SORCS3: variants seen among roughly 807,000 people sequenced by gnomAD.
SORCS3 encodes the protein sortilin related VPS10 domain containing receptor 3.
In SORCS3, 57 loss-of-function variants were observed where a neutral mutation model predicts 146.3. The ratio of observed to expected loss-of-function variants is 0.39; its 90% CI spans 0.31 to 0.49. The LOEUF (loss-of-function observed/expected upper bound fraction) is 0.49, where lower values mean the gene tolerates loss of function less well. Ranked by LOEUF, SORCS3 falls within the 20% of genes least tolerant of loss-of-function variation. The pLI is 0.92. For missense variants in SORCS3, 1,341 were observed against 1,575.5 expected, an observed-to-expected ratio of 0.85 and a Z score of 2.52; for synonymous variants, 653 against 618.5, an observed-to-expected ratio of 1.06 and a Z score of -0.83.
chr10:105,223,219 C>G lies in SORCS3; in HGVS notation c.2838C>G (p.Thr946=), dbSNP rs1350299700. 1.9e-6 allele frequency: 3 copies of G among 1,612,382 alleles called. No homozygotes were observed. Among genetic ancestry groups the G allele is most frequent in the African/African-American group, 2.7e-5 (2 of 74,888 alleles). Residue 946 remains threonine, a synonymous_variant, in exon 20 of 27, where the codon ACC becomes ACG. Transcript: ENST00000369701. ...GGCCCAGTCAACTGGGGACCCTTAC[C>G]TATTTCTGGTGGTTCGGCAATAGCA... ...VVWPSQLGTL[T]YFWWFGNSTK...
intron 1 of SORCS3, among the ~76,000 whole-genome samples, chr10:104,659,438 C>T (rs1375674630): frequency 6.6e-6 from 1 of 152,174 alleles, no homozygotes; most frequent in East Asian, 1.9e-4. Flanking sequence ...CACTCTGATG[C>T]CCATTCGTAT....
intron 20 of SORCS3, among the ~76,000 whole-genome samples, chr10:105,228,033 G>A (rs1415224959): frequency 1.6e-5 from 2 of 124,212 alleles, no homozygotes; most frequent in Non-Finnish European, 3.5e-5. Flanking sequence ...GTGTGTGTGT[G>A]TATGTGTGTT....
intron 1 of SORCS3, among the ~76,000 whole-genome samples, chr10:104,741,327 A>G (rs1016715428): frequency 1.3e-5 from 2 of 151,850 alleles, no homozygotes; most frequent in African/African-American, 4.8e-5. Context: ...CCCAACCATC[A>G]TAACAGCACA....
intron 12 of SORCS3, among the ~76,000 whole-genome samples, chr10:105,166,686 T>A (rs566282136): frequency 9.9e-5 from 15 of 152,140 alleles, no homozygotes; most frequent in Non-Finnish European, 1.9e-4. Flanking sequence ...GTACTGTGTT[T>A]CAATGACCAC....
intron 14 of SORCS3, among the ~76,000 whole-genome samples, chr10:105,181,418 T>G (rs2056441992): frequency 6.6e-6 from 1 of 152,074 alleles, no homozygotes; most frequent in Non-Finnish European, 1.5e-5. Flanking sequence ...TGGGGTGGAA[T>G]GGCATGTGGG....
At chr10:105,074,861 G>A (rs377737983) in intron 5 of SORCS3, among the ~76,000 whole-genome samples, 2 of 152,296 alleles carry the variant, frequency 1.3e-5, no homozygotes, top group African/African-American at 4.8e-5. Flanking sequence ...CCGAGGCAAA[G>A]ACTAGGAAAT....
At chr10:105,041,816 A>C (rs956537107) in intron 4 of SORCS3, among the ~76,000 whole-genome samples, 4 of 152,154 alleles carry the variant, frequency 2.6e-5, no homozygotes, top group Non-Finnish European at 4.4e-5. Flanking sequence ...AATATACTTC[A>C]TGTGGTCCAA....
At chr10:104,702,292 A>C (rs557528336) in intron 1 of SORCS3, among the ~76,000 whole-genome samples, 1 of 152,198 alleles carries the variant, frequency 6.6e-6, no homozygotes, top group Non-Finnish European at 1.5e-5. Context: ...TAATATCACT[A>C]TTACTTTTTG....
intron 9 of SORCS3, among the ~76,000 whole-genome samples, chr10:105,152,195 A>G (rs1371624531): frequency 6.6e-6 from 1 of 152,192 alleles, no homozygotes; most frequent in African/African-American, 2.4e-5. Flanking sequence ...CATCTAACTT[A>G]TAACTCCTTA....
intron 4 of SORCS3, among the ~76,000 whole-genome samples, chr10:105,024,219 C>T (rs1410988125): frequency 3.3e-5 from 5 of 152,184 alleles, no homozygotes; most frequent in Admixed American, 6.5e-5. Context: ...CAAAAGTAAA[C>T]TGTGAGTGAG....
chr10:105,240,371 G>T (rs1203670867), intron 20 of SORCS3, among the ~76,000 whole-genome samples: 1 of 152,196 alleles, frequency 6.6e-6, no homozygotes. Flanking sequence ...AAAATGCCTG[G>T]TGGTGATAGG....
chr10:105,209,580 T>A (rs1261278281), intron 16 of SORCS3, among the ~76,000 whole-genome samples: 3 of 152,234 alleles, frequency 2.0e-5, no homozygotes, highest in Non-Finnish European at 2.9e-5. Context: ...CCTGCTCTTT[T>A]GTAGCTTCCA....
rs563811077 is a variant in SORCS3, at chr10:104,934,063, A to T, written c.795+18131A>T. Among the ~76,000 whole-genome samples, 3 of 152,258 alleles carry T rather than the reference A, an allele frequency of 2.0e-5. No individual in the cohort carries two copies. In the East Asian group the frequency reaches 5.8e-4, roughly 29 times the overall value. ...TGCCTCGGCCTCCCAAAGTGCTGGG[A>T]TTACAAGCATGAGCCACTGTGCCCG... On this transcript the variant is annotated intron_variant, in intron 3 of 26. Transcript: ENST00000369701.
intron 2 of SORCS3, among the ~76,000 whole-genome samples, chr10:104,866,575 A>T (rs1323610790): frequency 6.6e-6 from 1 of 152,238 alleles, no homozygotes; most frequent in Non-Finnish European, 1.5e-5. Context: ...TATGCAAATT[A>T]TGTAACCTCT....
intron 12 of SORCS3, 93 bp from the exon 13 acceptor site, chr10:105,167,162 TAGA>T: frequency 7.3e-6 from 7 of 952,564 alleles, no homozygotes; most frequent in Non-Finnish European, 1.1e-5. Context: ...GCTCAGAACC[TAGA>T]TGAAACAATA....
intron 13 of SORCS3, among the ~76,000 whole-genome samples, chr10:105,177,378 G>T (rs2056413089): frequency 6.6e-6 from 1 of 152,198 alleles, no homozygotes; most frequent in South Asian, 2.1e-4. Context: ...TCAAGGGGCA[G>T]AAAGGTCCTT....
At chr10:104,727,346 A>C (rs981906559) in intron 1 of SORCS3, among the ~76,000 whole-genome samples, 5 of 152,144 alleles carry the variant, frequency 3.3e-5, no homozygotes, top group Non-Finnish European at 7.4e-5. Context: ...AAAAGCATAC[A>C]TATATCTCTT....
intron 1 of SORCS3, among the ~76,000 whole-genome samples, chr10:104,831,587 A>G (rs2018001504): frequency 2.0e-5 from 3 of 152,182 alleles, no homozygotes; most frequent in African/African-American, 7.2e-5. Context: ...ACAGCAAGAG[A>G]AAAGGGGTGA....
At chr10:104,844,019 GT>G (rs2018176472) in intron 2 of SORCS3, among the ~76,000 whole-genome samples, 2 of 152,174 alleles carry the variant, frequency 1.3e-5, no homozygotes, top group African/African-American at 4.8e-5. Flanking sequence ...TGACCTGTTT[GT>G]TTGCAGAGAA....
Sources: allele counts gnomAD v4.1 joint callset (sites outside exome capture counted in the v4.1 genomes callset), GRCh38; gene constraint gnomAD v4.1.1; transcripts MANE v1.5; gene names NCBI Gene and HGNC (gene_info 2026-07-23, HGNC 2026-07-21).